The following CTNNA3 variants were observed in gnomAD, a reference collection of about 807,000 sequenced individuals.
CTNNA3 encodes catenin alpha 3, also known as catenin alpha-3.
In CTNNA3, 76 loss-of-function variants were observed where a neutral mutation model predicts 95.7. The observed-to-expected ratio is 0.79, with a 90% CI of 0.66 to 0.96. The LOEUF (loss-of-function observed/expected upper bound fraction) is 0.96, where lower values mean the gene tolerates loss of function less well. Ranked by LOEUF, CTNNA3 falls within the 40% of genes least tolerant of loss-of-function variation. The pLI is 0.00. For synonymous variants in CTNNA3, 431 were observed against 374.4 expected, an observed-to-expected ratio of 1.15 and a Z score of -1.74; for missense variants, 1,191 against 1,089.8, an observed-to-expected ratio of 1.09 and a Z score of -1.31.
At chr10:66,378,071 A>G (rs2092808744) in intron 12 of CTNNA3, among the ~76,000 whole-genome samples, 1 of 152,152 alleles carries the variant, frequency 6.6e-6, no homozygotes, top group Admixed American at 6.6e-5. Flanking sequence ...AAAACTGATC[A>G]TCAATTCCCT....
chr10:67,412,690 A>G (rs1220683476), intron 5 of CTNNA3, among the ~76,000 whole-genome samples: 2 of 152,140 alleles, frequency 1.3e-5, no homozygotes, highest in African/African-American at 4.8e-5. Flanking sequence ...AGAAGAGATT[A>G]GGGGCCTATT....
intron 7 of CTNNA3, among the ~76,000 whole-genome samples, chr10:67,064,515 T>TTA (rs1295963789): frequency 6.6e-6 from 1 of 152,224 alleles, no homozygotes; most frequent in African/African-American, 2.4e-5. Context: ...AGACACTGAA[T>TTA]TATTAGTCAG....
At chr10:66,174,651 C>T (rs1372820503) in intron 13 of CTNNA3, among the ~76,000 whole-genome samples, 3 of 151,654 alleles carry the variant, frequency 2.0e-5, no homozygotes, top group Non-Finnish European at 2.9e-5. Context: ...TGATAGGATT[C>T]GATAGGGAGG....
chr10:66,105,704 C>G (rs2081868524), intron 13 of CTNNA3, among the ~76,000 whole-genome samples: 1 of 152,168 alleles, frequency 6.6e-6, no homozygotes. Flanking sequence ...TAATAGTTTT[C>G]TTGCAAAGCT....
intron 13 of CTNNA3, among the ~76,000 whole-genome samples, chr10:66,184,319 T>C (rs1483010735): frequency 6.6e-6 from 1 of 152,034 alleles, no homozygotes; most frequent in Non-Finnish European, 1.5e-5. Context: ...AAAGAGAAAA[T>C]TTTAACTTTA....
chr10:67,114,709 G>GGTGTGTGTGTGTGTGT (rs56772381), intron 7 of CTNNA3, among the ~76,000 whole-genome samples: 7,170 of 144,680 alleles, frequency 0.05, 226 homozygotes, highest in South Asian at 0.12. Context: ...GGTTCTTAAA[G>GGTGTGTGTGTGTGTGT]GTGTGTGTGT....
chr10:67,390,424 AC>A (rs1170055457), intron 5 of CTNNA3, among the ~76,000 whole-genome samples: 2 of 152,196 alleles, frequency 1.3e-5, no homozygotes, highest in South Asian at 2.1e-4. Context: ...CAGCTTACCA[AC>A]CAAAAAGAGT....
chr10:67,434,507 C>T (rs374998265), intron 5 of CTNNA3, among the ~76,000 whole-genome samples: 15 of 151,986 alleles, frequency 9.9e-5, no homozygotes, highest in African/African-American at 3.4e-4. Context: ...ATCCAGAAAG[C>T]ATCCCCTATT....
rs142116989 is a variant in CTNNA3, at chr10:66,567,344, G to A, written c.1375-46571C>T. Among the ~76,000 whole-genome samples, 1,509 of 152,156 alleles carry A rather than the reference G, an allele frequency of 9.9e-3. 18 individuals are homozygous for A. Among genetic ancestry groups the A allele is most frequent in the Non-Finnish European group, 0.015 (1,032 of 67,992 alleles). On this transcript the variant is annotated intron_variant, in intron 10 of 17. Transcript: ENST00000433211. The stretch of plus-strand genomic sequence containing the variant: ...ATCGAGACTTCATTTCCCTGGCCTG[G>A]CGAGGTGGATCACAGATGTAATTCC...
At chr10:67,546,556 G>A (rs941050910) in intron 3 of CTNNA3, among the ~76,000 whole-genome samples, 2 of 151,942 alleles carry the variant, frequency 1.3e-5, no homozygotes, top group South Asian at 4.2e-4. Context: ...AACTGACAAA[G>A]GAACAAAGCA....
chr10:67,494,822 C>A (rs1838974758), intron 5 of CTNNA3, among the ~76,000 whole-genome samples: 1 of 152,194 alleles, frequency 6.6e-6, no homozygotes, highest in Non-Finnish European at 1.5e-5. Context: ...GGGCACCCAC[C>A]TGTTGTCAAA....
intron 7 of CTNNA3, among the ~76,000 whole-genome samples, chr10:67,077,259 C>A (rs527564985): frequency 6.6e-6 from 1 of 152,296 alleles, no homozygotes; most frequent in African/African-American, 2.4e-5. Flanking sequence ...CCAGAATGAA[C>A]TTTTGTCAAT....
chr10:67,303,436 C>G (rs927136669), intron 5 of CTNNA3, among the ~76,000 whole-genome samples: 3 of 152,192 alleles, frequency 2.0e-5, no homozygotes, highest in Admixed American at 6.5e-5. Flanking sequence ...TACAGCCTTC[C>G]AGGCTGAAGA....
Position 67,521,971 on chromosome 10 carries a change from A to T in CTNNA3, c.460-10T>A. The T allele has an allele frequency of 6.2e-7, 1 of 1,607,364 alleles. No individual in the cohort carries two copies. The highest frequency in any genetic ancestry group is 8.5e-7 in the Non-Finnish European group (1 of 1,176,098). On this transcript the variant is annotated splice_polypyrimidine_tract_variant and intron_variant, in intron 4 of 17. Coordinates refer to ENST00000433211, the MANE Select transcript of CTNNA3 (RefSeq NM_013266.4). Reference sequence around the variant, plus strand: ...CAAATGTCCTTTGAAACTGAAATTGAAAACAAAAGTAGATCATTAGGATAG... The same window carrying T: ...CAAATGTCCTTTGAAACTGAAATTGTAAACAAAAGTAGATCATTAGGATAG...
In CTNNA3 at chr10:67,005,572, GTGAATATATCTGA is replaced by G. The variant is rs1851918531; in HGVS notation, c.1047+174732_1047+174744del. Among the ~76,000 whole-genome samples the G allele has an allele frequency of 2.0e-5, 3 of 151,772 alleles. No homozygotes were observed. In the South Asian group the frequency reaches 6.3e-4, roughly 32 times the overall value. On this transcript the variant is annotated intron_variant, in intron 7 of 17. Coordinates refer to ENST00000433211, the MANE Select transcript of CTNNA3 (RefSeq NM_013266.4). The stretch of plus-strand genomic sequence containing the variant: ...ATAGATAAGGGAAGAGGAGGCAAAG[GTGAATATATCTGA>G]TGAATCGGAAAAAAAGGTATGTGGT...
intron 13 of CTNNA3, among the ~76,000 whole-genome samples, chr10:66,225,461 T>C (rs1257045961): frequency 1.3e-5 from 2 of 148,280 alleles, no homozygotes; most frequent in African/African-American, 2.5e-5. Flanking sequence ...TACTATATTA[T>C]CTTTATCCAT....
rs183132484 is a variant in CTNNA3, at chr10:66,693,059, G to A, written c.1282-71275C>T. 3.5e-4 allele frequency among the ~76,000 whole-genome samples: 54 copies of A among 152,162 alleles called. No homozygotes were observed. The South Asian group carries it at 3.9e-3, about 11-fold the overall frequency. On this transcript the variant is annotated intron_variant, in intron 9 of 17. Transcript: ENST00000433211. Reference sequence around the variant, plus strand: ...CTAGGAAGAAACTGCATCAACTAACGAGCAAAATAACCAGCTAACATCACA... The same window carrying A: ...CTAGGAAGAAACTGCATCAACTAACAAGCAAAATAACCAGCTAACATCACA...
intron 5 of CTNNA3, among the ~76,000 whole-genome samples, chr10:67,294,922 T>G (rs1374771550): frequency 6.6e-6 from 1 of 152,224 alleles, no homozygotes; most frequent in African/African-American, 2.4e-5. Context: ...GATATATTGC[T>G]CAGGCAAATT....
chr10:66,562,000 A>G (rs1354243166), intron 10 of CTNNA3, among the ~76,000 whole-genome samples: 1 of 152,096 alleles, frequency 6.6e-6, no homozygotes, highest in Admixed American at 6.6e-5. Flanking sequence ...GAGAGAAGAT[A>G]ACAGGTGAGA....
Sources: gnomAD v4.1 joint callset for allele counts (sites outside exome capture counted in the v4.1 genomes callset) on GRCh38, gnomAD v4.1.1 for gene constraint, MANE v1.5 for transcripts, NCBI Gene and HGNC (gene_info 2026-07-23, HGNC 2026-07-21) for gene names.